Variants in PLEKHM3 observed in about 807,000 individuals in gnomAD.
PLEKHM3 encodes pleckstrin homology domain containing M3.
A neutral mutation model predicts 81.8 loss-of-function variants in PLEKHM3; 45 were observed. The ratio of observed to expected loss-of-function variants is 0.55; its 90% CI spans 0.43 to 0.71. The LOEUF (loss-of-function observed/expected upper bound fraction) is 0.71. Among genes scored for constraint, PLEKHM3 ranks in the 30% least tolerant of loss-of-function variants. PLEKHM3 has a pLI of 0.00. For missense variants in PLEKHM3, 788 were observed against 924.3 expected (o/e 0.85, Z 1.91); for synonymous variants, 352 against 356.4 (o/e 0.99, Z 0.14).
rs959213572 is a variant in PLEKHM3 at position 207,929,807 on chromosome 2, C to T, written c.1886+1119G>A. 8.0e-5 allele frequency: 48 copies of T among 600,784 alleles called. 1 individual carries two copies. Among genetic ancestry groups the T allele is most frequent in the Middle Eastern group, 2.8e-4 (1 of 3,546 alleles). The allele number at this position is 600,784 out of a possible 1,614,324, so 37.2% of individuals were successfully genotyped here. ...TACATTTAGTTCTTTTTTAGATGCC[C>T]GGGGTTATGTCAGTTTCTTTGGATC... On this transcript the variant is annotated intron_variant, in intron 5 of 7. Coordinates refer to ENST00000427836, the MANE Select transcript of PLEKHM3 (RefSeq NM_001080475.3).
chr2:207,967,934 A>G (rs1018115732), intron 3 of PLEKHM3, among the ~76,000 whole-genome samples: 2 of 152,048 alleles, frequency 1.3e-5, no homozygotes, highest in Admixed American at 1.3e-4. Context: ...CTTAATTACT[A>G]AATTATTCTG....
chr2:207,843,399 T>G lies in PLEKHM3; in HGVS notation c.2109-14903A>C, dbSNP rs1189364420. 2.0e-5 allele frequency among the ~76,000 whole-genome samples: 3 copies of G among 152,128 alleles called. No individual in the cohort carries two copies. Among genetic ancestry groups the G allele is most frequent in the Admixed American group, 2.0e-4 (3 of 15,270 alleles). On this transcript the variant is annotated intron_variant, in intron 7 of 7. Coordinates refer to ENST00000427836, the MANE Select transcript of PLEKHM3 (RefSeq NM_001080475.3). The surrounding 1 kb of genome is among the most constrained non-coding windows in gnomAD (Gnocchi z 4.4). ...GACTTGAGTACTGCTTGTAGGTACT[T>G]TGGAAGTATTAAAGTCCCCCTAACT...
At chr2:207,941,506 CAAAT>C (rs1189155485) in intron 4 of PLEKHM3, among the ~76,000 whole-genome samples, 1 of 152,058 alleles carries the variant, frequency 6.6e-6, no homozygotes, top group African/African-American at 2.4e-5. Context: ...TAAGACCTGA[CAAAT>C]AAAATGACCA....
intron 1 of PLEKHM3, among the ~76,000 whole-genome samples, chr2:208,009,648 T>C (rs1692620796): frequency 6.6e-6 from 1 of 152,204 alleles, no homozygotes; most frequent in Admixed American, 6.5e-5. Context: ...CCTACTGGAC[T>C]TAGAGGAACT....
intron 6 of PLEKHM3, among the ~76,000 whole-genome samples, chr2:207,865,466 C>T (rs531588307): frequency 6.6e-6 from 1 of 152,034 alleles, no homozygotes; most frequent in African/African-American, 2.4e-5. Flanking sequence ...CATGCCCCTG[C>T]AAGCCCAAGG....
At chr2:207,970,329 ACC>A (rs1198546907) in intron 3 of PLEKHM3, among the ~76,000 whole-genome samples, 1 of 146,054 alleles carries the variant, frequency 6.8e-6, no homozygotes, top group Non-Finnish European at 1.5e-5. Flanking sequence ...ATGCCCCCCC[ACC>A]CCCCACCCCA....
chr2:207,895,369 A>G (rs937672525), intron 6 of PLEKHM3, among the ~76,000 whole-genome samples: 2 of 152,202 alleles, frequency 1.3e-5, no homozygotes, highest in Non-Finnish European at 2.9e-5. Context: ...AGCAGGCAGG[A>G]GGCAGAGAAA....
chr2:207,934,683 G>A (rs1174295484), intron 4 of PLEKHM3, among the ~76,000 whole-genome samples: 1 of 152,144 alleles, frequency 6.6e-6, no homozygotes, highest in Non-Finnish European at 1.5e-5. Flanking sequence ...AGGAGGTGGA[G>A]AAAATGGTAA....
intron 6 of PLEKHM3, among the ~76,000 whole-genome samples, chr2:207,905,810 A>C (rs1221829951): frequency 6.6e-6 from 1 of 152,192 alleles, no homozygotes; most frequent in East Asian, 1.9e-4. Context: ...TGCCTCCATC[A>C]CTGAAAACTG....
At chr2:207,990,956 C>A (rs565248281) in intron 2 of PLEKHM3, among the ~76,000 whole-genome samples, 1 of 152,224 alleles carries the variant, frequency 6.6e-6, no homozygotes, top group East Asian at 1.9e-4. Flanking sequence ...ACTAGATATA[C>A]CAGTTTAGGG....
intron 3 of PLEKHM3, among the ~76,000 whole-genome samples, chr2:207,967,189 C>A (rs1233741650): frequency 6.6e-6 from 1 of 151,990 alleles, no homozygotes; most frequent in Non-Finnish European, 1.5e-5. Context: ...GAGACAGGGT[C>A]TTGCTATGTT....
chr2:207,922,025 G>A (rs773469549), intron 5 of PLEKHM3, among the ~76,000 whole-genome samples: 6 of 152,118 alleles, frequency 3.9e-5, no homozygotes, highest in Non-Finnish European at 8.8e-5. Context: ...GGATCATATG[G>A]TAGCTCTATT....
At chr2:208,016,696 C>CACACACACACACACACACACACACACA (rs368432659) in intron 1 of PLEKHM3, among the ~76,000 whole-genome samples, 1 of 148,486 alleles carries the variant, frequency 6.7e-6, no homozygotes, top group African/African-American at 2.5e-5. Context: ...CACACACACA[C>CACACACACACACACACACACACACACA]CCTGGTTTCA....
rs1689381692 is a variant in PLEKHM3 at position 207,926,025 on chromosome 2, C to A, written c.1886+4901G>T. Among the ~76,000 whole-genome samples the A allele has an allele frequency of 5.3e-5, 8 of 151,948 alleles. No individual in the cohort carries two copies. In the South Asian group the frequency reaches 1.7e-3, roughly 32 times the overall value. The stretch of plus-strand genomic sequence containing the variant: ...AATTACATGGCCTTGGGGTTAAAAC[C>A]TCGAATGCCTAGGCCCAGGGAACCA... On this transcript the variant is annotated intron_variant, in intron 5 of 7. Coordinates refer to ENST00000427836, the MANE Select transcript of PLEKHM3 (RefSeq NM_001080475.3).
chr2:207,996,088 GA>G (rs1279441307), intron 2 of PLEKHM3, among the ~76,000 whole-genome samples: 1 of 152,192 alleles, frequency 6.6e-6, no homozygotes, highest in African/African-American at 2.4e-5. Flanking sequence ...TGCAACTCAG[GA>G]GTCTGAAATG....
At chr2:207,863,412 A>G (rs1292682833) in intron 6 of PLEKHM3, among the ~76,000 whole-genome samples, 1 of 152,186 alleles carries the variant, frequency 6.6e-6, no homozygotes, top group South Asian at 2.1e-4. Context: ...CCTCCAAGAC[A>G]GTGTTGTCTT....
At chr2:207,865,881 A>G (rs1389830756) in intron 6 of PLEKHM3, among the ~76,000 whole-genome samples, 1 of 138,650 alleles carries the variant, frequency 7.2e-6, no homozygotes, top group Non-Finnish European at 1.5e-5. Context: ...GCTTTCATGT[A>G]AATATGATCA....
At chr2:207,951,927 A>G (rs1316673170) in intron 3 of PLEKHM3, among the ~76,000 whole-genome samples, 1 of 152,206 alleles carries the variant, frequency 6.6e-6, no homozygotes, top group Non-Finnish European at 1.5e-5. Flanking sequence ...AGAGGGAAGA[A>G]TGAGAAAGCT....
At chr2:207,862,635 G>A (rs960038805) in intron 6 of PLEKHM3, among the ~76,000 whole-genome samples, 10 of 151,748 alleles carry the variant, frequency 6.6e-5, no homozygotes, top group Admixed American at 4.6e-4. Flanking sequence ...TGAAACTCCC[G>A]TCTCAAAAAA....
Sources: gnomAD v4.1 joint callset for allele counts (sites outside exome capture counted in the v4.1 genomes callset) on GRCh38, gnomAD v4.1.1 for gene constraint, Gnocchi (gnomAD v3.1) non-coding constraint, MANE v1.5 for transcripts, NCBI Gene and HGNC (gene_info 2026-07-23, HGNC 2026-07-21) for gene names.